COL4A6: variants seen among roughly 807,000 people sequenced by gnomAD.
The protein encoded by COL4A6 is collagen type IV alpha 6 chain.
COL4A6 carries 59 observed loss-of-function variants against 126.7 expected under a neutral mutation model. The ratio of observed to expected loss-of-function variants is 0.47; its 90% CI spans 0.38 to 0.58. COL4A6 has a LOEUF of 0.58. Among genes scored for constraint, COL4A6 ranks in the 20% least tolerant of loss-of-function variants. The pLI is 0.00. For synonymous variants in COL4A6, 547 were observed against 496.6 expected (o/e 1.10, Z -1.35); for missense variants, 1,285 against 1,337.3 (o/e 0.96, Z 0.61).
At chrX:108,219,357 T>C (rs2035948007) in intron 5 of COL4A6, among the ~76,000 whole-genome samples, 1 of 112,255 alleles carries the variant, frequency 8.9e-6, no homozygotes, top group Non-Finnish European at 1.9e-5. Context: ...TATGAGGATA[T>C]ATATCCTCTA....
chrX:108,198,741 G>C (rs1479497487), intron 13 of COL4A6, among the ~76,000 whole-genome samples: 4 of 111,181 alleles, frequency 3.6e-5, no homozygotes, highest in Non-Finnish European at 7.6e-5. Context: ...GCTCTCCTGG[G>C]CTCTGGACTC....
chrX:108,235,675 C>T (rs1236082890), intron 3 of COL4A6, among the ~76,000 whole-genome samples: 1 of 111,588 alleles, frequency 9.0e-6, no homozygotes, highest in Non-Finnish European at 1.9e-5. Flanking sequence ...CCAACTTTCA[C>T]ACCGTCATCT....
intron 2 of COL4A6, among the ~76,000 whole-genome samples, chrX:108,413,274 A>G (rs2041365781): frequency 9.0e-6 from 1 of 111,467 alleles, no homozygotes; most frequent in South Asian, 3.9e-4. Flanking sequence ...ATATTTTAAA[A>G]GAATGAAAAG....
intron 3 of COL4A6, among the ~76,000 whole-genome samples, chrX:108,289,417 T>C (rs1057196353): frequency 9.0e-6 from 1 of 111,078 alleles, no homozygotes; most frequent in Non-Finnish European, 1.9e-5. Context: ...ATATTAACAA[T>C]TGGTGAATCT....
chrX:108,203,446 T>C (rs948109906), intron 12 of COL4A6, among the ~76,000 whole-genome samples: 3 of 112,384 alleles, frequency 2.7e-5, no homozygotes, highest in Non-Finnish European at 5.6e-5. Flanking sequence ...AAAAGCTCCC[T>C]AAGTTTTGGG....
chrX:108,329,392 CTT>C (rs1278214725), intron 2 of COL4A6, among the ~76,000 whole-genome samples: 1 of 111,451 alleles, frequency 9.0e-6, no homozygotes, highest in Non-Finnish European at 1.9e-5. Context: ...AATACAATGA[CTT>C]AAGAGATTTA....
At chrX:108,225,376 C>T (rs2036139983) in intron 3 of COL4A6, among the ~76,000 whole-genome samples, 1 of 112,902 alleles carries the variant, frequency 8.9e-6, no homozygotes, top group South Asian at 3.6e-4. Flanking sequence ...GGACTAATGC[C>T]CTGTTCTGAT....
At position 108,396,292 on chromosome X, in the gene COL4A6, G is replaced by A. The variant is rs776656360; in HGVS notation, c.63+41650C>T. On this transcript the variant is annotated intron_variant, in intron 2 of 44. Coordinates refer to ENST00000334504, the MANE Select transcript of COL4A6 (RefSeq NM_033641.4). ...TTGTGGAATTCAGGTCAGAAACTCC[G>A]TATCCCCCACCTCCACTCCTCCTCC... 4.5e-5 allele frequency among the ~76,000 whole-genome samples: 5 copies of A among 110,504 alleles called. No individual in the cohort carries two copies. The South Asian group carries it at 1.6e-3, about 35-fold the overall frequency.
At chrX:108,397,249 T>C (rs2040985895) in intron 2 of COL4A6, among the ~76,000 whole-genome samples, 1 of 111,577 alleles carries the variant, frequency 9.0e-6, no homozygotes. Flanking sequence ...TTCCTTCTAC[T>C]CAGATTGCTA....
At chrX:108,373,337 G>A (rs2040368666) in intron 2 of COL4A6, among the ~76,000 whole-genome samples, 1 of 111,886 alleles carries the variant, frequency 8.9e-6, no homozygotes, top group South Asian at 3.7e-4. Flanking sequence ...CTGAAAACTT[G>A]AGAGCTTGAC....
chrX:108,214,907 T>C (rs1245979387), intron 5 of COL4A6, among the ~76,000 whole-genome samples: 1 of 112,529 alleles, frequency 8.9e-6, no homozygotes, highest in African/African-American at 3.2e-5. Flanking sequence ...ACAATTCATC[T>C]GAATTCAATA....
chrX:108,184,079 T>C (rs2034772476), intron 23 of COL4A6, among the ~76,000 whole-genome samples: 1 of 112,141 alleles, frequency 8.9e-6, no homozygotes, highest in African/African-American at 3.2e-5. Flanking sequence ...TCCTCTTTCC[T>C]GGCAATGCAG....
chrX:108,307,738 C>T (rs771098951), intron 3 of COL4A6, among the ~76,000 whole-genome samples: 199 of 111,720 alleles, frequency 1.8e-3, no homozygotes, highest in African/African-American at 6.2e-3. Context: ...GGAGAACAGT[C>T]CCAAATCTTT....
chrX:108,171,922 G>A (rs1435096055), intron 32 of COL4A6, among the ~76,000 whole-genome samples: 1 of 112,607 alleles, frequency 8.9e-6, no homozygotes, highest in African/African-American at 3.2e-5. Flanking sequence ...GAAAGCCACA[G>A]AGAGAGATCT....
At chrX:108,205,388 C>T (rs1333135036) in intron 11 of COL4A6, 51 bp downstream of exon 11, 1 of 990,566 alleles carries the variant, frequency 1.0e-6, no homozygotes, top group South Asian at 2.0e-5. Flanking sequence ...TAATCAGACA[C>T]ATTTCTTGCA....
At chrX:108,371,838 C>A (rs1603180824) in intron 2 of COL4A6, among the ~76,000 whole-genome samples, 2 of 74,571 alleles carry the variant, frequency 2.7e-5, no homozygotes, top group Non-Finnish European at 2.3e-5. Context: ...TGTAGCATGA[C>A]AGAGGTCCAA....
intron 2 of COL4A6, among the ~76,000 whole-genome samples, chrX:108,385,949 A>G (rs1266805753): frequency 9.3e-6 from 1 of 107,712 alleles, no homozygotes; most frequent in African/African-American, 3.4e-5. Context: ...ACTCCCACTT[A>G]TGAGTGAGAA....
chrX:108,383,704 T>A, intron 2 of COL4A6: 1 of 506,561 alleles, frequency 2.0e-6, no homozygotes, highest in Non-Finnish European at 3.6e-6. Flanking sequence ...GAGTGGTAAC[T>A]TTACTAGTTG....
chrX:108,403,959 C>A (rs537875911), intron 2 of COL4A6, among the ~76,000 whole-genome samples: 1 of 111,482 alleles, frequency 9.0e-6, no homozygotes, highest in South Asian at 3.8e-4. Flanking sequence ...GCTCTCTTTA[C>A]GTGTCCTGAT....
Sources: gnomAD v4.1 joint callset for allele counts (sites outside exome capture counted in the v4.1 genomes callset) on GRCh38, gnomAD v4.1.1 for gene constraint, MANE v1.5 for transcripts, NCBI Gene and HGNC (gene_info 2026-07-23, HGNC 2026-07-21) for gene names.